The following POU6F2 variants were observed in gnomAD, a reference collection of about 807,000 sequenced individuals.
The protein encoded by POU6F2 is POU class 6 homeobox 2.
A neutral mutation model predicts 71.3 loss-of-function variants in POU6F2; 31 were observed. That is an observed-to-expected ratio of 0.43 (90% CI 0.33 to 0.59). POU6F2 has a LOEUF of 0.59. Among genes scored for constraint, POU6F2 ranks in the 20% least tolerant of loss-of-function variants. POU6F2 has a pLI of 0.04. For missense variants in POU6F2, 783 were observed against 856.8 expected (o/e 0.91, Z 1.07); for synonymous variants, 347 against 355.7 (o/e 0.98, Z 0.27).
chr7:39,138,856 C>G (rs1322966775), intron 2 of POU6F2, among the ~76,000 whole-genome samples: 1 of 152,180 alleles, frequency 6.6e-6, no homozygotes, highest in Non-Finnish European at 1.5e-5. Context: ...CACAGCTCAT[C>G]TTTCCCTTTC....
chr7:39,328,852 C>T (rs1431979462), intron 4 of POU6F2, among the ~76,000 whole-genome samples: 5 of 152,148 alleles, frequency 3.3e-5, no homozygotes, highest in South Asian at 4.1e-4. Context: ...GCATGGCCTC[C>T]GACCACCACT....
chr7:39,359,095 T>G (rs373353850), intron 5 of POU6F2, among the ~76,000 whole-genome samples: 26 of 152,236 alleles, frequency 1.7e-4, no homozygotes, highest in East Asian at 1.2e-3. Flanking sequence ...GGCTATTGAG[T>G]GCTGTGACGT....
At position 39,207,525 on chromosome 7, in the gene POU6F2, T is replaced by A; in HGVS notation, c.503T>A (p.Leu168His). The A allele has an allele frequency of 6.2e-7, 1 of 1,614,040 alleles. No individual in the cohort carries two copies. Among genetic ancestry groups the A allele is most frequent in the Non-Finnish European group, 8.5e-7 (1 of 1,179,886 alleles). ...CTAGGAGGCCAGCAAGGACTGGTTC[T>A]CACACTGCCAACAGCGAATCTCACC... ...GQLGGQQGLV[L>H]TLPTANLTNI... is the part of the protein sequence containing the mutation. Residue 168 changes from leucine to histidine, a missense_variant, in exon 4 of 10, where the codon CTC becomes CAC. Transcript: ENST00000518318.
chr7:39,309,347 C>G (rs530567913), intron 4 of POU6F2, among the ~76,000 whole-genome samples: 2 of 152,238 alleles, frequency 1.3e-5, no homozygotes, highest in African/African-American at 2.4e-5. Context: ...TCTGTCCTCT[C>G]TCTTCCCTCT....
At chr7:39,029,757 A>G (rs1462041086) in intron 1 of POU6F2, among the ~76,000 whole-genome samples, 2 of 152,186 alleles carry the variant, frequency 1.3e-5, no homozygotes, top group Non-Finnish European at 2.9e-5. Context: ...ATTGTCATGA[A>G]ATTATTATCA....
At chr7:39,323,400 T>G (rs892764587) in intron 4 of POU6F2, among the ~76,000 whole-genome samples, 1 of 152,186 alleles carries the variant, frequency 6.6e-6, no homozygotes, top group Non-Finnish European at 1.5e-5. Flanking sequence ...TTATGGAGGC[T>G]CTCCTGATTT....
chr7:39,101,523 T>C (rs1326266473), intron 2 of POU6F2, among the ~76,000 whole-genome samples: 1 of 151,964 alleles, frequency 6.6e-6, no homozygotes, highest in Non-Finnish European at 1.5e-5. Context: ...TTGGGGTCCT[T>C]GAAATTTTTA....
At chr7:39,411,952 G>A (rs79227685) in intron 6 of POU6F2, among the ~76,000 whole-genome samples, 1,645 of 152,320 alleles carry the variant, frequency 0.011, 34 homozygotes, top group African/African-American at 0.037. Flanking sequence ...TTAAAAATAC[G>A]TATCTTAGAA....
intron 2 of POU6F2, among the ~76,000 whole-genome samples, chr7:39,090,428 C>T (rs1456344365): frequency 1.3e-5 from 2 of 152,162 alleles, no homozygotes; most frequent in African/African-American, 4.8e-5. Flanking sequence ...CATTGCAGGG[C>T]ATTATGGGGA....
At position 39,040,116 on chromosome 7, in the gene POU6F2, A is replaced by G. The variant is rs1307616514; in HGVS notation, c.106-45744A>G. Among the ~76,000 whole-genome samples, 3 of 2,562 alleles carry G rather than the reference A, an allele frequency of 1.2e-3. 1 individual carries two copies. The highest frequency in any genetic ancestry group is 0.011 in the Admixed American group (2 of 178). The allele number at this position is 2,562 out of a possible 152,430, so 1.7% of individuals were successfully genotyped here. A position where few individuals can be genotyped will look rare whatever the true frequency, so the allele number is the denominator to read the frequency against. On this transcript the variant is annotated intron_variant, in intron 1 of 9. Coordinates refer to ENST00000518318, the MANE Select transcript of POU6F2 (RefSeq NM_001370959.1). Reference sequence around the variant, plus strand: ...TTATATATATGTATATATTATATACATTTATATATATATATATATAAATCC... The same window carrying G: ...TTATATATATGTATATATTATATACGTTTATATATATATATATATAAATCC...
intron 1 of POU6F2, among the ~76,000 whole-genome samples, chr7:39,016,172 T>C (rs1789543177): frequency 7.4e-6 from 1 of 134,606 alleles, no homozygotes; most frequent in East Asian, 2.1e-4. Context: ...ATATTATGTA[T>C]AGATACATTA....
At chr7:39,018,971 T>G (rs1396049602) in intron 1 of POU6F2, among the ~76,000 whole-genome samples, 2 of 152,178 alleles carry the variant, frequency 1.3e-5, no homozygotes, top group African/African-American at 4.8e-5. Flanking sequence ...ATTGCAGCCT[T>G]GGTTTTCCAG....
chr7:39,216,526 G>T (rs1794245606), intron 4 of POU6F2, among the ~76,000 whole-genome samples: 1 of 152,134 alleles, frequency 6.6e-6, no homozygotes, highest in Non-Finnish European at 1.5e-5. Flanking sequence ...TGAAGTGGGG[G>T]ACAGGTGAAT....
At position 38,991,086 on chromosome 7, in the gene POU6F2, T is replaced by A. The variant is rs562294895; in HGVS notation, c.105+13028T>A. Among the ~76,000 whole-genome samples, 5 of 152,274 alleles carry A rather than the reference T, an allele frequency of 3.3e-5. No individual in the cohort carries two copies. The South Asian group carries it at 8.3e-4, about 25-fold the overall frequency. ...GAGACTATGCTGCCCCCTGGTTATT[T>A]GCTTAAAGTCAGCACATTAACTTGA... On this transcript the variant is annotated intron_variant, in intron 1 of 9. Transcript: ENST00000518318.
At chr7:39,206,496 T>A (rs1794014334) in intron 3 of POU6F2, among the ~76,000 whole-genome samples, 1 of 152,236 alleles carries the variant, frequency 6.6e-6, no homozygotes, top group South Asian at 2.1e-4. Context: ...CCACATCAAA[T>A]ATTTTTATGT....
At chr7:39,294,058 T>G (rs3935112) in intron 4 of POU6F2, among the ~76,000 whole-genome samples, 69,407 of 151,666 alleles carry the variant, frequency 0.46, 16,707 homozygotes, top group Admixed American at 0.59. Flanking sequence ...TTATTAGTTG[T>G]AAAAACTAAT....
At chr7:39,133,634 A>C (rs1792332225) in intron 2 of POU6F2, among the ~76,000 whole-genome samples, 1 of 152,234 alleles carries the variant, frequency 6.6e-6, no homozygotes. Context: ...TGTTGCTCCC[A>C]GTAGAATGTA....
chr7:39,111,002 T>G (rs566892531), intron 2 of POU6F2, among the ~76,000 whole-genome samples: 1 of 151,990 alleles, frequency 6.6e-6, no homozygotes, highest in Non-Finnish European at 1.5e-5. Flanking sequence ...TAAAAAATTT[T>G]AAATAAATTG....
At chr7:39,054,160 T>C (rs2128714445) in intron 1 of POU6F2, among the ~76,000 whole-genome samples, 1 of 152,098 alleles carries the variant, frequency 6.6e-6, no homozygotes, top group East Asian at 1.9e-4. Context: ...CTTTAAAATG[T>C]TTATATATTT....
Sources: allele counts gnomAD v4.1 joint callset (sites outside exome capture counted in the v4.1 genomes callset), GRCh38; gene constraint gnomAD v4.1.1; transcripts MANE v1.5; gene names NCBI Gene and HGNC (gene_info 2026-07-23, HGNC 2026-07-21).